NRXN1: variants seen among roughly 807,000 people sequenced by gnomAD.
NRXN1 encodes neurexin-1.
Under a neutral mutation model 150.9 loss-of-function variants are expected in NRXN1, and 39 were observed. That is an observed-to-expected ratio of 0.26 (90% CI 0.20 to 0.34). The LOEUF (loss-of-function observed/expected upper bound fraction) is 0.34, where lower values mean the gene tolerates loss of function less well. NRXN1 is among the 10% of genes least tolerant of loss of function. The probability of loss-of-function intolerance (pLI) is 1.00; values close to 1 mark genes in which losing one functional copy is unlikely to be tolerated. For synonymous variants in NRXN1, 924 were observed against 757.0 expected (o/e 1.22, Z -3.62); for missense variants, 1,815 against 1,949.9 (o/e 0.93, Z 1.30).
At chr2:50,312,440 A>G (rs2075259644) in intron 17 of NRXN1, among the ~76,000 whole-genome samples, 1 of 149,798 alleles carries the variant, frequency 6.7e-6, no homozygotes, top group Admixed American at 6.6e-5. Context: ...TTTTTCTTTT[A>G]ATCTTGGGAA....
chr2:50,082,960 T>C (rs569223082), intron 19 of NRXN1, among the ~76,000 whole-genome samples: 6 of 152,196 alleles, frequency 3.9e-5, no homozygotes, highest in Admixed American at 3.3e-4. Context: ...AATAAACATT[T>C]AATAATGCAT....
At chr2:50,872,442 T>C (rs1369043240) in intron 5 of NRXN1, among the ~76,000 whole-genome samples, 1 of 151,458 alleles carries the variant, frequency 6.6e-6, no homozygotes. Context: ...AGTAGTGATA[T>C]TGGGTATTTA....
intron 18 of NRXN1, among the ~76,000 whole-genome samples, chr2:50,212,443 G>A (rs546893253): frequency 6.6e-6 from 1 of 151,192 alleles, no homozygotes; most frequent in East Asian, 2.0e-4. Context: ...CTTAAGTCTT[G>A]TAAGAGCATC....
At chr2:50,135,560 G>A (rs1167579140) in intron 18 of NRXN1, among the ~76,000 whole-genome samples, 6 of 152,222 alleles carry the variant, frequency 3.9e-5, no homozygotes, top group South Asian at 2.1e-4. Flanking sequence ...GCATGGTGGC[G>A]GGCGCCTGTA....
chr2:50,664,895 G>T (rs893841318), intron 5 of NRXN1, among the ~76,000 whole-genome samples: 2 of 151,420 alleles, frequency 1.3e-5, no homozygotes, highest in Non-Finnish European at 2.9e-5. Flanking sequence ...TTAATAAAAG[G>T]CATAGAGATA....
rs186631934 is a variant in NRXN1, at chr2:50,633,159, T to A, written c.833-9544A>T. Among the ~76,000 whole-genome samples the A allele has an allele frequency of 5.4e-3, 829 of 152,256 alleles. 23 individuals are homozygous for A. Among genetic ancestry groups the A allele is most frequent in the Admixed American group, 0.05 (768 of 15,290 alleles). ...ACACTGCTGCAACTGAAAACTATCATGCATTCTGGATGTAAACTGATTCAA... is the reference window on the plus strand; with the variant it reads ...ACACTGCTGCAACTGAAAACTATCAAGCATTCTGGATGTAAACTGATTCAA... On this transcript the variant is annotated intron_variant, in intron 5 of 22. Transcript: ENST00000401669.
chr2:50,390,825 T>C (rs1360767757), intron 17 of NRXN1, among the ~76,000 whole-genome samples: 1 of 152,128 alleles, frequency 6.6e-6, no homozygotes, highest in Non-Finnish European at 1.5e-5. Flanking sequence ...CCCTTGCTTT[T>C]GGACTTCGCA....
At chr2:51,019,012 G>T (rs1669174128) in intron 2 of NRXN1, among the ~76,000 whole-genome samples, 2 of 152,144 alleles carry the variant, frequency 1.3e-5, no homozygotes, top group Admixed American at 1.3e-4. Flanking sequence ...CATGACAGTA[G>T]GAAGCAGCAC....
Position 51,014,408 on chromosome 2 carries a change from CAT to C in NRXN1, c.772+13092_772+13093del, listed in dbSNP as rs564869774. On this transcript the variant is annotated intron_variant, in intron 2 of 22. Coordinates refer to ENST00000401669, the MANE Select transcript of NRXN1 (RefSeq NM_001330078.2). ...ATATGGATTTTATTTCCACTGAAGA[CAT>C]AAAAAAATTAATTTATGTCAGCAGA... Among the ~76,000 whole-genome samples the C allele has an allele frequency of 9.9e-5, 15 of 151,764 alleles. No individual in the cohort carries two copies. In the South Asian group the frequency reaches 3.1e-3, roughly 32 times the overall value.
intron 5 of NRXN1, among the ~76,000 whole-genome samples, chr2:50,769,396 A>T (rs924825107): frequency 4.6e-5 from 7 of 152,110 alleles, no homozygotes; most frequent in African/African-American, 1.7e-4. Context: ...GCAAGGTCTG[A>T]TTTCTCTGAG....
At chr2:50,215,138 C>A (rs6724128) in intron 18 of NRXN1, among the ~76,000 whole-genome samples, 2 of 151,824 alleles carry the variant, frequency 1.3e-5, no homozygotes. Context: ...ACTTCCTTTA[C>A]GTTTTCTTAT....
At chr2:50,768,910 A>G (rs1559234695) in intron 5 of NRXN1, among the ~76,000 whole-genome samples, 1 of 151,568 alleles carries the variant, frequency 6.6e-6, no homozygotes, top group Non-Finnish European at 1.5e-5. Context: ...AACAACAACA[A>G]CAACAACACA....
intron 8 of NRXN1, among the ~76,000 whole-genome samples, chr2:50,617,655 A>G (rs187364739): frequency 1.8e-4 from 27 of 152,322 alleles, no homozygotes; most frequent in Middle Eastern, 3.4e-3. Context: ...TCCAAACCCT[A>G]TAGTGACAAC....
At chr2:50,830,297 G>T (rs1671235555) in intron 5 of NRXN1, among the ~76,000 whole-genome samples, 2 of 152,190 alleles carry the variant, frequency 1.3e-5, no homozygotes, top group East Asian at 3.9e-4. Context: ...AAACTACCTT[G>T]AAGAAGGAGT....
At chr2:51,002,752 G>A (rs954375057) in intron 2 of NRXN1, among the ~76,000 whole-genome samples, 5 of 151,864 alleles carry the variant, frequency 3.3e-5, no homozygotes, top group African/African-American at 9.7e-5. Flanking sequence ...ACTTAAAAAT[G>A]GAATGACGGA....
chr2:50,449,744 G>A (rs2086786204), intron 17 of NRXN1, among the ~76,000 whole-genome samples: 2 of 152,148 alleles, frequency 1.3e-5, no homozygotes, highest in Non-Finnish European at 2.9e-5. Flanking sequence ...ATCTGTACAT[G>A]TCAGGCATTT....
chr2:50,643,170 G>C (rs1428391547), intron 5 of NRXN1, among the ~76,000 whole-genome samples: 1 of 151,778 alleles, frequency 6.6e-6, no homozygotes, highest in Admixed American at 6.6e-5. Flanking sequence ...TCTTGATTTT[G>C]TTCCTTTTCT....
At chr2:50,565,497 T>G (rs1282350225) in intron 8 of NRXN1, among the ~76,000 whole-genome samples, 1 of 152,048 alleles carries the variant, frequency 6.6e-6, no homozygotes, top group African/African-American at 2.4e-5. Flanking sequence ...TATATAGACA[T>G]TGTATAAGCA....
chr2:50,538,176 G>A, intron 10 of NRXN1, 77 bp downstream of exon 10: 6 of 1,488,004 alleles, frequency 4.0e-6, no homozygotes, highest in African/African-American at 2.8e-5. Context: ...CGTTTCAATG[G>A]TCAGTGCAGG....
Sources: gnomAD v4.1 joint callset for allele counts (sites outside exome capture counted in the v4.1 genomes callset) on GRCh38, gnomAD v4.1.1 for gene constraint, MANE v1.5 for transcripts, NCBI Gene and HGNC (gene_info 2026-07-23, HGNC 2026-07-21) for gene names.